Variants in KCNK10 observed in about 807,000 individuals in gnomAD.
KCNK10 encodes potassium channel subfamily K member 10.
KCNK10 carries 25 observed loss-of-function variants against 47.7 expected under a neutral mutation model. That is an observed-to-expected ratio of 0.52 (90% CI 0.38 to 0.73). KCNK10 has a LOEUF of 0.73. Ranked by LOEUF, KCNK10 falls within the 30% of genes least tolerant of loss-of-function variation. The pLI is 0.00. For synonymous variants in KCNK10, 303 were observed against 285.6 expected, an observed-to-expected ratio of 1.06 and a Z score of -0.61; for missense variants, 563 against 714.5, an observed-to-expected ratio of 0.79 and a Z score of 2.42.
intron 4 of KCNK10, among the ~76,000 whole-genome samples, chr14:88,200,652 T>C (rs1885073121): frequency 6.6e-6 from 1 of 152,096 alleles, no homozygotes; most frequent in Non-Finnish European, 1.5e-5. Flanking sequence ...AATGAGAAAA[T>C]TCCTTTAGCA....
chr14:88,320,970 G>C (rs1384943028), intron 1 of KCNK10, among the ~76,000 whole-genome samples: 1 of 152,172 alleles, frequency 6.6e-6, no homozygotes, highest in East Asian at 1.9e-4. Flanking sequence ...CTTGCTCTCT[G>C]CTAGGGATAA....
chr14:88,324,142 C>T (rs1238793616), upstream of KCNK10, among the ~76,000 whole-genome samples: 1 of 152,218 alleles, frequency 6.6e-6, no homozygotes, highest in Non-Finnish European at 1.5e-5. Flanking sequence ...CCGGAAGCGG[C>T]GGCCCCGGGA....
At chr14:88,285,609 C>T (rs764553335) in intron 1 of KCNK10, among the ~76,000 whole-genome samples, 19 of 152,110 alleles carry the variant, frequency 1.2e-4, no homozygotes, top group South Asian at 6.2e-4. Flanking sequence ...ATTAAATGAA[C>T]GAAAGCTTAG....
At chr14:88,213,011 C>A (rs1474954072) in intron 4 of KCNK10, among the ~76,000 whole-genome samples, 3 of 152,196 alleles carry the variant, frequency 2.0e-5, no homozygotes, top group Non-Finnish European at 4.4e-5. Context: ...AACACTGGCA[C>A]ACCTTTCAAT....
chr14:88,210,422 T>A (rs1386343055), intron 4 of KCNK10, among the ~76,000 whole-genome samples: 1 of 152,262 alleles, frequency 6.6e-6, no homozygotes, highest in East Asian at 1.9e-4. Flanking sequence ...GTTTATCAAG[T>A]TGACCTAGCG....
At position 88,185,416 on chromosome 14, in the gene KCNK10, T is replaced by C. The variant is rs1377492817; in HGVS notation, c.*119A>G. On this transcript the variant is annotated 3_prime_UTR_variant, in exon 7 of 7. Transcript: ENST00000319231. This position sits in a 1 kb window ranked among gnomAD's most constrained non-coding sequence, Gnocchi z 4.3. ...GTTTATGGCACAGTGAAATATATTC[T>C]TCAATGCTATGTAATTTTGGACTAA... 33 of 1,362,118 alleles carry C rather than the reference T, an allele frequency of 2.4e-5. No individual in the cohort carries two copies. Among genetic ancestry groups the C allele is most frequent in the Non-Finnish European group, 3.0e-6 (3 of 1,008,620 alleles). 84.4% of individuals were successfully genotyped at this position (1,362,118 alleles called of 1,614,324 possible). A position where few individuals can be genotyped will look rare whatever the true frequency, so the allele number is the denominator to read the frequency against.
chr14:88,263,466 C>CGGAGTT lies in KCNK10; in HGVS notation c.132_137dup (p.Thr45_Pro46dup). On this transcript the variant is annotated inframe_insertion, in exon 2 of 7. Coordinates refer to ENST00000319231, the MANE Select transcript of KCNK10 (RefSeq NM_138317.3). The stretch of plus-strand genomic sequence containing the variant: ...TGGCTCGGGAGGAAATGGACAGGCG[C>CGGAGTT]GGAGTTGGAGTCGGAGCCGGAGCCG... 6.2e-7 allele frequency: 1 copy of CGGAGTT among 1,614,056 alleles called. No homozygotes were observed. Among genetic ancestry groups the CGGAGTT allele is most frequent in the Non-Finnish European group, 8.5e-7 (1 of 1,180,034 alleles).
intron 2 of KCNK10, among the ~76,000 whole-genome samples, chr14:88,241,036 C>T (rs1382278408): frequency 6.6e-6 from 1 of 152,074 alleles, no homozygotes; most frequent in Non-Finnish European, 1.5e-5. Flanking sequence ...AGGGGGGAAA[C>T]GCTAGGGTAT....
chr14:88,226,029 C>T (rs1381294706), intron 4 of KCNK10, among the ~76,000 whole-genome samples: 3 of 152,232 alleles, frequency 2.0e-5, no homozygotes, highest in Non-Finnish European at 2.9e-5. Context: ...AGATGAAACC[C>T]GGATGAGTGG....
At chr14:88,226,877 A>T (rs553219502) in intron 4 of KCNK10, among the ~76,000 whole-genome samples, 23 of 152,334 alleles carry the variant, frequency 1.5e-4, no homozygotes, top group South Asian at 6.2e-4. Flanking sequence ...GCAGTGAGAG[A>T]TGGGAGAGAG....
intron 1 of KCNK10, among the ~76,000 whole-genome samples, chr14:88,285,913 G>A (rs1179440014): frequency 6.6e-6 from 1 of 152,144 alleles, no homozygotes; most frequent in Non-Finnish European, 1.5e-5. Flanking sequence ...AATCTGGACA[G>A]GCTTGTGACT....
chr14:88,231,018 T>G (rs1344007449), intron 3 of KCNK10, among the ~76,000 whole-genome samples: 7 of 152,130 alleles, frequency 4.6e-5, no homozygotes, highest in African/African-American at 1.7e-4. Context: ...CTCACACTCA[T>G]AATCTCAGCA....
At chr14:88,196,144 C>CAA (rs1355884142) in intron 4 of KCNK10, among the ~76,000 whole-genome samples, 1 of 152,212 alleles carries the variant, frequency 6.6e-6, no homozygotes, top group Non-Finnish European at 1.5e-5. Flanking sequence ...TCTCTTTACA[C>CAA]AAACAGTATT....
intron 2 of KCNK10, among the ~76,000 whole-genome samples, 173 bp from the exon 3 acceptor site, chr14:88,240,993 C>A (rs974379564): frequency 6.6e-6 from 1 of 151,838 alleles, no homozygotes; most frequent in African/African-American, 2.4e-5. Context: ...TACTATGCAC[C>A]CAGTTGTGAA....
intron 1 of KCNK10, among the ~76,000 whole-genome samples, chr14:88,305,851 A>G (rs1000479012): frequency 3.3e-5 from 5 of 152,198 alleles, no homozygotes; most frequent in African/African-American, 1.2e-4. Context: ...TTTTTCCTAC[A>G]GAGGAAACTG....
chr14:88,232,529 G>A (rs1886185465), intron 3 of KCNK10, among the ~76,000 whole-genome samples: 1 of 152,172 alleles, frequency 6.6e-6, no homozygotes, highest in African/African-American at 2.4e-5. Flanking sequence ...TACTTACATT[G>A]TATTAAGGGC....
chr14:88,245,144 A>G (rs1220329056), intron 2 of KCNK10, among the ~76,000 whole-genome samples: 1 of 152,248 alleles, frequency 6.6e-6, no homozygotes, highest in Non-Finnish European at 1.5e-5. Context: ...AAATTTAGAT[A>G]TATTATCTTC....
Position 88,306,566 on chromosome 14 carries a change from C to T in KCNK10, c.52+16181G>A, listed in dbSNP as rs1408873300. ...GAAGACACACATCCCTGCCCAAGAGCCTGCTGGTACCACGCCTTTTCCTTC... is the reference window on the plus strand; with the variant it reads ...GAAGACACACATCCCTGCCCAAGAGTCTGCTGGTACCACGCCTTTTCCTTC... On this transcript the variant is annotated intron_variant, in intron 1 of 6. Transcript: ENST00000319231. Among the ~76,000 whole-genome samples, 7 of 152,090 alleles carry T rather than the reference C, an allele frequency of 4.6e-5. No homozygotes were observed. The South Asian group carries it at 1.0e-3, about 23-fold the overall frequency.
chr14:88,207,461 A>G lies in KCNK10; in HGVS notation c.682-15051T>C, dbSNP rs376952252. Among the ~76,000 whole-genome samples the G allele has an allele frequency of 9.2e-5, 14 of 152,144 alleles. No homozygotes were observed. In the East Asian group the frequency reaches 1.5e-3, roughly 17 times the overall value. On this transcript the variant is annotated intron_variant, in intron 4 of 6. Transcript: ENST00000319231. Reference sequence around the variant, plus strand: ...AGTGCTGGGATTACAGGCGCGAGCCACAGCGCCAGCCCAAGGTCACTCTGT... The same window carrying G: ...AGTGCTGGGATTACAGGCGCGAGCCGCAGCGCCAGCCCAAGGTCACTCTGT...
Sources: allele counts gnomAD v4.1 joint callset (sites outside exome capture counted in the v4.1 genomes callset), GRCh38; gene constraint gnomAD v4.1.1; non-coding constraint Gnocchi (gnomAD v3.1); transcripts MANE v1.5; gene names NCBI Gene and HGNC (gene_info 2026-07-23, HGNC 2026-07-21).